LIFR: variants seen among roughly 807,000 people sequenced by gnomAD.
LIFR encodes leukemia inhibitory factor receptor.
Under a neutral mutation model 122.2 loss-of-function variants are expected in LIFR, and 84 were observed. The ratio of observed to expected loss-of-function variants is 0.69; its 90% confidence interval spans 0.58 to 0.82. The LOEUF is 0.82. LIFR is among the 40% of genes least tolerant of loss of function. The pLI is 0.00. For synonymous variants in LIFR, 422 were observed against 434.7 expected (o/e 0.97, Z 0.36); for missense variants, 1,294 against 1,311.6 (o/e 0.99, Z 0.21).
intron 1 of LIFR, among the ~76,000 whole-genome samples, chr5:38,533,666 C>T (rs1302797687): frequency 6.6e-6 from 1 of 152,118 alleles, no homozygotes; most frequent in Admixed American, 6.5e-5. Context: ...GTCTCTGTTC[C>T]CCTGTCCCCC....
At chr5:38,490,098 C>A (rs1744500380) in intron 15 of LIFR, 92 bp downstream of exon 15, 3 of 402,800 alleles carry the variant, frequency 7.4e-6, no homozygotes, top group South Asian at 4.4e-5. Context: ...AATTATACAT[C>A]TTATTTTTAG....
chr5:38,541,892 C>A (rs766658068), intron 1 of LIFR, among the ~76,000 whole-genome samples: 1 of 151,992 alleles, frequency 6.6e-6, no homozygotes, highest in Non-Finnish European at 1.5e-5. Flanking sequence ...CAGCAACACA[C>A]GGGAAAACCA....
intron 1 of LIFR, among the ~76,000 whole-genome samples, chr5:38,532,522 C>A (rs1747067262): frequency 6.6e-6 from 1 of 152,186 alleles, no homozygotes. Flanking sequence ...AGCCACGGAT[C>A]AAAGACTCTG....
chr5:38,546,419 A>C (rs1483094406), intron 1 of LIFR, among the ~76,000 whole-genome samples: 5 of 152,188 alleles, frequency 3.3e-5, no homozygotes, highest in Non-Finnish European at 5.9e-5. Context: ...CATAAAAAAA[A>C]CAAAATTTAA....
In LIFR at chr5:38,580,443, TTCCTCCTAGATC is replaced by T. The variant is rs199600825; in HGVS notation, c.-20+14806_-20+14817del. 4.8e-3 allele frequency among the ~76,000 whole-genome samples: 730 copies of T among 152,258 alleles called. 14 individuals carry two copies. The highest frequency in any genetic ancestry group is 0.041 in the Admixed American group (632 of 15,294). The stretch of plus-strand genomic sequence containing the variant: ...CTCCCAGTCAAAGTTTCTCTGGCTC[TTCCTCCTAGATC>T]TACTCCTTAAATCATGGGGTTCCTC... On this transcript the variant is annotated intron_variant, in intron 1 of 19. Coordinates refer to the LIFR transcript ENST00000263409.
chr5:38,587,190 A>C (rs990089843), intron 1 of LIFR, among the ~76,000 whole-genome samples: 5 of 151,910 alleles, frequency 3.3e-5, no homozygotes, highest in Admixed American at 3.3e-4. Context: ...CTCTACAAAC[A>C]CACAAACATC....
chr5:38,549,462 T>C (rs1183051685), intron 1 of LIFR, among the ~76,000 whole-genome samples: 4 of 152,174 alleles, frequency 2.6e-5, no homozygotes, highest in Non-Finnish European at 4.4e-5. Flanking sequence ...CCCCTATTAT[T>C]GAGCATTTAA....
Position 38,480,776 on chromosome 5 carries a change from G to A in LIFR, c.*819C>T, listed in dbSNP as rs1414501607. The A allele has an allele frequency of 4.7e-6, 1 of 212,600 alleles. No individual in the cohort carries two copies. The allele number at this position is 212,600 out of a possible 1,614,324, so 13.2% of individuals were successfully genotyped here. On this transcript the variant is annotated 3_prime_UTR_variant, in exon 20 of 20. Coordinates refer to ENST00000453190, the MANE Select transcript of LIFR (RefSeq NM_001127671.2). ...CTGTCACTGTATCACAAAATAAAAT[G>A]ATTTTTAAAAAATGTGGGTCTCTAG...
chr5:38,527,514 A>C (rs959018233), intron 3 of LIFR, among the ~76,000 whole-genome samples: 10 of 152,222 alleles, frequency 6.6e-5, no homozygotes, highest in African/African-American at 2.4e-4. Flanking sequence ...AAGTAGAATA[A>C]GCATAGATGA....
At chr5:38,537,716 C>T (rs1029881052) in intron 1 of LIFR, among the ~76,000 whole-genome samples, 17 of 150,810 alleles carry the variant, frequency 1.1e-4, no homozygotes, top group Non-Finnish European at 1.9e-4. Context: ...CTTTTTATTG[C>T]GTAATTAAAA....
intron 5 of LIFR, among the ~76,000 whole-genome samples, chr5:38,513,501 G>A (rs1354280617): frequency 1.3e-5 from 2 of 152,200 alleles, no homozygotes; most frequent in Non-Finnish European, 2.9e-5. Context: ...TTCTGGAAAA[G>A]TAAAACAGAA....
chr5:38,540,368 G>T (rs1044460974), intron 1 of LIFR, among the ~76,000 whole-genome samples: 34 of 152,150 alleles, frequency 2.2e-4, no homozygotes, highest in Admixed American at 3.9e-4. Flanking sequence ...GTTGCTGGGG[G>T]AAACACCACC....
At chr5:38,543,369 G>T (rs1006189073) in intron 1 of LIFR, among the ~76,000 whole-genome samples, 3 of 152,266 alleles carry the variant, frequency 2.0e-5, no homozygotes, top group Admixed American at 2.0e-4. Context: ...AAAGTATTGT[G>T]GCTCGTAAGG....
At chr5:38,604,000 C>T (rs551218553) in intron 2 of LIFR, among the ~76,000 whole-genome samples, 2 of 152,320 alleles carry the variant, frequency 1.3e-5, no homozygotes, top group East Asian at 3.9e-4. Flanking sequence ...GTCATTTACG[C>T]TGTCATCTCA....
At chr5:38,522,641 T>C (rs947842687) in intron 5 of LIFR, among the ~76,000 whole-genome samples, 2 of 152,208 alleles carry the variant, frequency 1.3e-5, no homozygotes, top group Non-Finnish European at 2.9e-5. Context: ...TATTGTCCCA[T>C]ATAGGCTAGG....
intron 7 of LIFR, among the ~76,000 whole-genome samples, chr5:38,507,558 C>T (rs1201611513): frequency 2.9e-5 from 2 of 68,888 alleles, no homozygotes; most frequent in Admixed American, 2.0e-4. Flanking sequence ...AGCGATACTC[C>T]GTCTCAAAAA....
intron 5 of LIFR, 64 bp downstream of exon 5, chr5:38,523,355 C>T: frequency 2.9e-6 from 4 of 1,383,638 alleles, no homozygotes; most frequent in Non-Finnish European, 4.0e-6. Flanking sequence ...CACCTTAAGG[C>T]TTCTTAAAAA....
chr5:38,566,606 A>G (rs1208913527), intron 1 of LIFR, among the ~76,000 whole-genome samples: 1 of 152,246 alleles, frequency 6.6e-6, no homozygotes, highest in Non-Finnish European at 1.5e-5. Context: ...AAACAGCTTT[A>G]TAAGTCACAG....
At position 38,523,487 on chromosome 5, in the gene LIFR, G is replaced by C; in HGVS notation, c.493C>G (p.Pro165Ala). ...TCCCAGATAACATTTGAGCGGTGTG[G>C]AAAAACTGAACCCCTGTCGTTCCAC... ...LKWNDRGSVF[P>A]HRSNVIWEIK... The change falls in exon 5 of 20, where the codon CCA (proline) becomes GCA (alanine). Residue 165 changes from proline (P) to alanine (A), a missense_variant. Coordinates refer to ENST00000453190, the MANE Select transcript of LIFR (RefSeq NM_001127671.2). The C allele has an allele frequency of 6.2e-7, 1 of 1,613,562 alleles. No homozygotes were observed.
Sources: gnomAD v4.1 joint callset for allele counts (sites outside exome capture counted in the v4.1 genomes callset) on GRCh38, gnomAD v4.1.1 for gene constraint, MANE v1.5 for transcripts, NCBI Gene and HGNC (gene_info 2026-07-23, HGNC 2026-07-21) for gene names.